XIRP2: variants seen among roughly 807,000 people sequenced by gnomAD.
XIRP2 encodes the protein xin actin binding repeat containing 2.
In XIRP2, 236 loss-of-function variants were observed where a neutral mutation model predicts 277.0. That is an observed-to-expected ratio of 0.85 (90% CI 0.77 to 0.95). The LOEUF (loss-of-function observed/expected upper bound fraction) is 0.95. Among genes scored for constraint, XIRP2 ranks in the 40% least tolerant of loss-of-function variants. The pLI, the probability that XIRP2 is intolerant of heterozygous loss-of-function variation, is 0.00. For missense variants in XIRP2, 4,640 were observed against 4,157.5 expected, an observed-to-expected ratio of 1.12 and a Z score of -3.19; for synonymous variants, 1,490 against 1,416.5, an observed-to-expected ratio of 1.05 and a Z score of -1.17.
intron 2 of XIRP2, among the ~76,000 whole-genome samples, chr2:166,941,124 C>A (rs1685699775): frequency 6.6e-6 from 1 of 152,166 alleles, no homozygotes. Flanking sequence ...CTTTGTTTAC[C>A]TACTCAAGCC....
intron 2 of XIRP2, among the ~76,000 whole-genome samples, chr2:166,912,209 A>G (rs1355160623): frequency 6.6e-6 from 1 of 152,170 alleles, no homozygotes; most frequent in African/African-American, 2.4e-5. Context: ...GTGTTTTCCA[A>G]CTTGGTTCCA....
rs58025011 is a variant in XIRP2, at chr2:167,131,586, T to C, written c.409-4323T>C. Among the ~76,000 whole-genome samples, 713 of 152,320 alleles carry C rather than the reference T, an allele frequency of 4.7e-3. 5 individuals carry two copies. The highest frequency in any genetic ancestry group is 0.017 in the African/African-American group (695 of 41,582). On this transcript the variant is annotated intron_variant, in intron 2 of 10. Transcript: ENST00000409195. ...ACTCAAAAGATATATTTAAGTCCTT[T>C]TCAAATTAATACTTTCAATACAAGT...
intron 5 of XIRP2, among the ~76,000 whole-genome samples, chr2:167,238,896 A>G (rs1694978026): frequency 6.6e-6 from 1 of 152,100 alleles, no homozygotes; most frequent in Non-Finnish European, 1.5e-5. Context: ...CAATCAATCA[A>G]TCATATACTT....
chr2:166,901,544 T>G (rs1684387856), intron 1 of XIRP2, among the ~76,000 whole-genome samples: 1 of 152,074 alleles, frequency 6.6e-6, no homozygotes, highest in Admixed American at 6.6e-5. Flanking sequence ...CTCTCAGCTT[T>G]CCCTTTCCAA....
At position 167,248,326 on chromosome 2, in the gene XIRP2, C is replaced by T; in HGVS notation, c.6934C>T (p.Pro2312Ser). ...ATCTGAAATTGAATTTCCTCTTCCT[C>T]CTCCACCTCCTTTGATGATGTTTCC... is the stretch of plus-strand genomic sequence containing the variant. ...ASSEIEFPLP[P>S]PPPLMMFPEK... Residue 2312 changes from proline to serine, a missense_variant, in exon 9 of 11, where the codon CCT becomes TCT. By Grantham distance (74) the Pro-to-Ser change is moderately conservative (BLOSUM62 -1). Coordinates refer to ENST00000409195, the MANE Select transcript of XIRP2 (RefSeq NM_152381.6). 8.1e-6 allele frequency: 13 copies of T among 1,613,788 alleles called. No homozygotes were observed. Among genetic ancestry groups the T allele is most frequent in the Non-Finnish European group, 1.1e-5 (13 of 1,179,832 alleles).
chr2:166,896,979 G>A (rs1047500931), intron 1 of XIRP2, among the ~76,000 whole-genome samples: 1 of 152,164 alleles, frequency 6.6e-6, no homozygotes, highest in Admixed American at 6.5e-5. Context: ...TAGGAGCAAA[G>A]GCTATACCAT....
chr2:167,251,572 C>T lies in XIRP2; in HGVS notation c.10180C>T (p.Pro3394Ser). ...TSFTDFSCKHPRELREKIPVK... is the reference protein window; with the variant it reads ...TSFTDFSCKHSRELREKIPVK... Reference sequence around the variant, plus strand: ...TTTTACAGACTTTTCTTGCAAACATCCTAGAGAACTGCGAGAAAAGATTCC... The same window carrying T: ...TTTTACAGACTTTTCTTGCAAACATTCTAGAGAACTGCGAGAAAAGATTCC... The change falls in exon 9 of 11, where the codon CCT (proline) becomes TCT (serine). Residue 3394 changes from proline (P) to serine (S), a missense_variant. Transcript: ENST00000409195. 1 of 1,613,556 alleles carries T rather than the reference C, an allele frequency of 6.2e-7. No individual in the cohort carries two copies. Among genetic ancestry groups the T allele is most frequent in the Non-Finnish European group, 8.5e-7 (1 of 1,179,650 alleles).
intron 5 of XIRP2, among the ~76,000 whole-genome samples, chr2:167,228,023 T>TA (rs975666947): frequency 1.3e-5 from 2 of 152,122 alleles, no homozygotes; most frequent in African/African-American, 2.4e-5. Flanking sequence ...AATTATAAAG[T>TA]AAAAAACCTT....
chr2:166,903,215 T>G (rs1393820385), intron 1 of XIRP2, among the ~76,000 whole-genome samples: 1 of 152,176 alleles, frequency 6.6e-6, no homozygotes, highest in Non-Finnish European at 1.5e-5. Flanking sequence ...TCTTCACTTT[T>G]GTTTCTTTAT....
chr2:167,075,991 A>G lies in XIRP2; in HGVS notation c.409-59918A>G, dbSNP rs569272946. On this transcript the variant is annotated intron_variant, in intron 2 of 10. Coordinates refer to ENST00000409195, the MANE Select transcript of XIRP2 (RefSeq NM_152381.6). ...CCTCCAAGCCAAGACTTGTCTTTCA[A>G]CAAGAACTAATGAGCACTCAGTTTG... Among the ~76,000 whole-genome samples the G allele has an allele frequency of 5.3e-5, 8 of 152,202 alleles. No individual in the cohort carries two copies. In the South Asian group the frequency reaches 1.7e-3, roughly 32 times the overall value.
At chr2:167,009,131 T>G (rs1033157278) in intron 2 of XIRP2, among the ~76,000 whole-genome samples, 14 of 151,842 alleles carry the variant, frequency 9.2e-5, no homozygotes, top group Non-Finnish European at 1.9e-4. Flanking sequence ...GTTACATATG[T>G]ATACATGTGC....
rs949433560 is a variant in XIRP2, at chr2:167,246,527, A to G, written c.5135A>G (p.Asp1712Gly). 6.2e-7 allele frequency: 1 copy of G among 1,613,726 alleles called. No individual in the cohort carries two copies. The highest frequency in any genetic ancestry group is 1.1e-5 in the South Asian group (1 of 91,040). Residue 1712 changes from aspartate to glycine, a missense_variant, in exon 9 of 11, where the codon GAT becomes GGT. Physicochemically the swap from Asp to Gly is moderately conservative, Grantham distance 94. Transcript: ENST00000409195. ...TIEREEVIGGDVKRTIHNLLS... is the reference protein window; with the variant it reads ...TIEREEVIGGGVKRTIHNLLS... ...GAGCGTGAAGAAGTAATAGGTGGTG[A>G]TGTCAAACGTACCATTCATAATTTA...
intron 2 of XIRP2, among the ~76,000 whole-genome samples, chr2:166,920,974 G>T (rs1685022073): frequency 1.3e-5 from 2 of 152,056 alleles, no homozygotes; most frequent in South Asian, 4.2e-4. Context: ...TAGCTAAATT[G>T]GTCTAATCTA....
chr2:167,250,089 C>T lies in XIRP2; in HGVS notation c.8697C>T (p.Leu2899=), dbSNP rs1257250795. Residue 2899 remains leucine (L), a synonymous_variant, in exon 9 of 11, where the codon CTC becomes CTT. Transcript: ENST00000409195. ...PYNSLQEEKC[L]EVKGIQEKQV... is the part of the protein sequence containing the mutation. ...ATAGTCTGCAGGAAGAAAAATGTCT[C>T]GAAGTCAAGGGCATACAAGAGAAAC... 1.2e-6 allele frequency: 2 copies of T among 1,613,382 alleles called. No homozygotes were observed. Among genetic ancestry groups the T allele is most frequent in the Non-Finnish European group, 1.7e-6 (2 of 1,179,668 alleles).
intron 3 of XIRP2, among the ~76,000 whole-genome samples, chr2:167,180,056 C>G (rs571142081): frequency 6.6e-6 from 1 of 152,248 alleles, no homozygotes; most frequent in African/African-American, 2.4e-5. Context: ...ATTACAAAAA[C>G]AAACAAACTT....
Position 167,210,780 on chromosome 2 carries a change from G to A in XIRP2, c.608G>A (p.Ser203Asn), listed in dbSNP as rs1333883628. 5.0e-6 allele frequency: 8 copies of A among 1,614,230 alleles called. No homozygotes were observed. Among genetic ancestry groups the A allele is most frequent in the South Asian group, 4.4e-5 (4 of 91,086 alleles). The change falls in exon 4 of 11, where the codon AGT becomes AAT. Residue 203 changes from serine to asparagine, a missense_variant. Transcript: ENST00000409195. The part of the protein sequence containing the change: ...NKPESGFAED[S>N]AARGEGVSDL... ...CCTGAGAGTGGATTTGCAGAAGACA[G>A]TGCTGCTCGGGGCGAGGGTGTGTCA... is the stretch of plus-strand genomic sequence containing the variant.
chr2:167,201,239 AAAGAAAGAAAGAAAGAAAG>A (rs1693695242), intron 3 of XIRP2, among the ~76,000 whole-genome samples: 1 of 106,570 alleles, frequency 9.4e-6, no homozygotes, highest in Admixed American at 8.9e-5. Context: ...AGAAAGAAAG[AAAGAAAGAAAGAAAGAAAG>A]AAAGAGAGAG....
chr2:167,077,435 TA>T (rs997662156), intron 2 of XIRP2, among the ~76,000 whole-genome samples: 111 of 147,328 alleles, frequency 7.5e-4, no homozygotes, highest in East Asian at 4.2e-3. Context: ...ATGGAGCAGT[TA>T]AAAAAAAAAG....
At chr2:167,013,242 C>T (rs565908154) in intron 2 of XIRP2, among the ~76,000 whole-genome samples, 2 of 151,396 alleles carry the variant, frequency 1.3e-5, no homozygotes, top group Non-Finnish European at 3.0e-5. Context: ...ATCAGATGCT[C>T]CTTGATGTTC....
Sources: allele counts gnomAD v4.1 joint callset (sites outside exome capture counted in the v4.1 genomes callset), GRCh38; gene constraint gnomAD v4.1.1; transcripts MANE v1.5; gene names NCBI Gene and HGNC (gene_info 2026-07-23, HGNC 2026-07-21).